The following ENOX2 variants were observed in gnomAD, a reference collection of about 807,000 sequenced individuals.
ENOX2 encodes the protein APK1 antigen.
Under a neutral mutation model 45.0 loss-of-function variants are expected in ENOX2, and 36 were observed. The observed-to-expected ratio is 0.80, with a 90% confidence interval of 0.61 to 1.06. The LOEUF is 1.06. Ranked by LOEUF, ENOX2 falls within the 50% of genes least tolerant of loss-of-function variation. ENOX2 has a pLI of 0.00. For synonymous variants in ENOX2, 174 were observed against 152.3 expected, an observed-to-expected ratio of 1.14 and a Z score of -1.05; for missense variants, 423 against 462.5, an observed-to-expected ratio of 0.91 and a Z score of 0.78.
At chrX:130,644,952 T>G (rs958799495) in intron 10 of ENOX2, among the ~76,000 whole-genome samples, 2 of 111,632 alleles carry the variant, frequency 1.8e-5, no homozygotes, top group Non-Finnish European at 1.9e-5. Flanking sequence ...TTATAATCAA[T>G]TGTAACAAAA....
chrX:130,782,607 A>T (rs2148394812), intron 3 of ENOX2, among the ~76,000 whole-genome samples: 1 of 112,273 alleles, frequency 8.9e-6, no homozygotes, highest in Admixed American at 9.4e-5. Context: ...CAGATATGAT[A>T]CATTTGTAAA....
chrX:130,641,718 C>CAAAAAAA (rs753792308), intron 10 of ENOX2, among the ~76,000 whole-genome samples: 1 of 34,724 alleles, frequency 2.9e-5, no homozygotes, highest in African/African-American at 1.2e-4. Flanking sequence ...ACTCCATCTC[C>CAAAAAAA]AAAAAAAAAA....
intron 2 of ENOX2, among the ~76,000 whole-genome samples, chrX:130,853,673 C>T (rs1356592990): frequency 2.7e-5 from 3 of 109,952 alleles, no homozygotes; most frequent in African/African-American, 1.0e-4. Flanking sequence ...AACCAACCTA[C>T]GGGGGTGGTG....
intron 10 of ENOX2, among the ~76,000 whole-genome samples, chrX:130,653,747 G>C (rs1222151344): frequency 8.9e-6 from 1 of 112,254 alleles, no homozygotes; most frequent in Non-Finnish European, 1.9e-5. Context: ...AGGACATAGT[G>C]CTTGTTAATT....
At chrX:130,897,319 C>A (rs2079073841) in intron 2 of ENOX2, among the ~76,000 whole-genome samples, 1 of 112,196 alleles carries the variant, frequency 8.9e-6, no homozygotes, top group South Asian at 3.7e-4. Context: ...TGTCAGTTGG[C>A]TGTTCTTGTT....
At chrX:130,663,910 T>C in intron 9 of ENOX2, among the ~76,000 whole-genome samples, 1 of 112,111 alleles carries the variant, frequency 8.9e-6, no homozygotes, top group Non-Finnish European at 1.9e-5. Context: ...CCTATCATAG[T>C]GCTTGAGATG....
At chrX:130,847,196 T>C (rs372658617) in intron 2 of ENOX2, among the ~76,000 whole-genome samples, 1 of 110,745 alleles carries the variant, frequency 9.0e-6, no homozygotes, top group Non-Finnish European at 1.9e-5. Context: ...TTTTACACTA[T>C]ATTTAAGCAT....
At chrX:130,787,846 A>G (rs1205987605) in intron 2 of ENOX2, among the ~76,000 whole-genome samples, 3 of 111,581 alleles carry the variant, frequency 2.7e-5, no homozygotes, top group Non-Finnish European at 3.8e-5. Flanking sequence ...TTATAGAGAA[A>G]GATCTCATAT....
At chrX:130,892,110 C>T (rs986891764) in intron 2 of ENOX2, among the ~76,000 whole-genome samples, 11 of 111,416 alleles carry the variant, frequency 9.9e-5, no homozygotes, top group African/African-American at 3.3e-4. Context: ...CAGTAAAGAC[C>T]GATGAAAGCT....
intron 2 of ENOX2, among the ~76,000 whole-genome samples, chrX:130,802,112 T>G (rs907319803): frequency 8.9e-6 from 1 of 111,967 alleles, no homozygotes; most frequent in South Asian, 3.8e-4. Context: ...GAGGAAGAAA[T>G]AGCAGAGTCT....
chrX:130,848,537 C>A (rs2078152718), intron 2 of ENOX2, among the ~76,000 whole-genome samples: 2 of 111,979 alleles, frequency 1.8e-5, no homozygotes, highest in Admixed American at 1.9e-4. Flanking sequence ...CAAAAATAAA[C>A]CAGAAAAACA....
At chrX:130,655,511 C>T (rs1021729354) in intron 10 of ENOX2, among the ~76,000 whole-genome samples, 1 of 111,651 alleles carries the variant, frequency 9.0e-6, no homozygotes, top group Admixed American at 9.5e-5. Flanking sequence ...CGCACACACA[C>T]GTACACACAC....
intron 2 of ENOX2, among the ~76,000 whole-genome samples, chrX:130,808,040 T>C (rs969419676): frequency 4.5e-5 from 5 of 112,295 alleles, no homozygotes; most frequent in African/African-American, 1.3e-4. Context: ...TCCTTACTTG[T>C]AGTTGCCCTA....
intron 2 of ENOX2, among the ~76,000 whole-genome samples, chrX:130,788,671 GT>G (rs1480190483): frequency 3.6e-5 from 4 of 112,021 alleles, no homozygotes; most frequent in African/African-American, 1.3e-4. Flanking sequence ...AACTAACAAA[GT>G]CAGAAATTGT....
chrX:130,698,838 A>G (rs1194509926), intron 4 of ENOX2, among the ~76,000 whole-genome samples: 4 of 111,876 alleles, frequency 3.6e-5, no homozygotes, highest in Non-Finnish European at 5.6e-5. Flanking sequence ...ATATTTTCCA[A>G]TATCTTTCAT....
At chrX:130,870,910 G>A (rs2078572683) in intron 2 of ENOX2, among the ~76,000 whole-genome samples, 1 of 108,383 alleles carries the variant, frequency 9.2e-6, no homozygotes, top group Non-Finnish European at 1.9e-5. Context: ...GGGAGGGAGA[G>A]AGAGGGAGAG....
At chrX:130,662,319 C>A (rs1395986455) in intron 9 of ENOX2, among the ~76,000 whole-genome samples, 1 of 112,452 alleles carries the variant, frequency 8.9e-6, no homozygotes, top group Admixed American at 9.4e-5. Context: ...TCATACTCCA[C>A]ATCCTTTCTC....
chrX:130,706,032 C>T (rs2038028864), intron 3 of ENOX2, among the ~76,000 whole-genome samples: 1 of 112,183 alleles, frequency 8.9e-6, no homozygotes. Context: ...AACAAAACCA[C>T]CTCATTGGAA....
At chrX:130,730,517 G>A (rs2038712731) in intron 3 of ENOX2, among the ~76,000 whole-genome samples, 1 of 112,152 alleles carries the variant, frequency 8.9e-6, no homozygotes, top group South Asian at 3.7e-4. Context: ...GTTTAAGATG[G>A]GCCTGTAAAT....
Sources: gnomAD v4.1 joint callset for allele counts (sites outside exome capture counted in the v4.1 genomes callset) on GRCh38, gnomAD v4.1.1 for gene constraint, MANE v1.5 for transcripts, NCBI Gene and HGNC (gene_info 2026-07-23, HGNC 2026-07-21) for gene names.